MAF: variants seen among roughly 807,000 people sequenced by gnomAD.
MAF encodes transcription factor Maf.
Under a neutral mutation model 22.0 loss-of-function variants are expected in MAF, and 10 were observed. That is an observed-to-expected ratio of 0.45 (90% CI 0.28 to 0.77). MAF has a LOEUF of 0.77. MAF is among the 30% of genes least tolerant of loss of function. The pLI is 0.12. For synonymous variants in MAF, 337 were observed against 255.8 expected, an observed-to-expected ratio of 1.32 and a Z score of -3.03; for missense variants, 544 against 548.4, an observed-to-expected ratio of 0.99 and a Z score of 0.08.
chr16:79,208,359 C>T, the MAF span, among the ~76,000 whole-genome samples: 1 of 146,966 alleles, frequency 6.8e-6, no homozygotes, highest in Non-Finnish European at 1.5e-5. Context: ...AACCTACAGG[C>T]TTCTGATAAA....
At chr16:79,365,611 G>A in the MAF span, among the ~76,000 whole-genome samples, 4 of 152,104 alleles carry the variant, frequency 2.6e-5, no homozygotes, top group South Asian at 2.1e-4. Context: ...GGGGTGTAGG[G>A]GTCTGTGACC....
At chr16:79,517,782 C>T in the MAF span, among the ~76,000 whole-genome samples, 2 of 152,022 alleles carry the variant, frequency 1.3e-5, no homozygotes, top group Non-Finnish European at 2.9e-5. Context: ...ACCATGTTGG[C>T]CAGGCTGGTC....
the MAF span, among the ~76,000 whole-genome samples, chr16:79,319,195 G>A: frequency 2.0e-5 from 3 of 152,132 alleles, no homozygotes; most frequent in African/African-American, 7.2e-5. Context: ...GGTGGGGGGA[G>A]GTCCCCTTCT....
At chr16:79,589,711 T>G (rs1167907748), downstream of MAF, among the ~76,000 whole-genome samples, 1 of 152,148 alleles carries the variant, frequency 6.6e-6, no homozygotes, top group Non-Finnish European at 1.5e-5. Flanking sequence ...CGGGGAGTTT[T>G]GATATCCCCC....
the MAF span, among the ~76,000 whole-genome samples, chr16:79,347,120 G>C: frequency 1.3e-5 from 2 of 152,208 alleles, no homozygotes; most frequent in Non-Finnish European, 2.9e-5. Flanking sequence ...TCCTGTTCTT[G>C]TGAGAAACTG....
chr16:79,421,737 A>C, the MAF span, among the ~76,000 whole-genome samples: 1 of 151,856 alleles, frequency 6.6e-6, no homozygotes, highest in African/African-American at 2.4e-5. Context: ...CCTGGGCTCA[A>C]GCATCCTCCT....
chr16:79,255,035 A>C, the MAF span, among the ~76,000 whole-genome samples: 474 of 152,292 alleles, frequency 3.1e-3, 7 homozygotes, highest in Admixed American at 0.023. Flanking sequence ...ATCACTCTGG[A>C]TCCTTGCCTA....
chr16:79,340,400 A>G, the MAF span, among the ~76,000 whole-genome samples: 2 of 151,050 alleles, frequency 1.3e-5, no homozygotes, highest in African/African-American at 4.8e-5. Context: ...ATTCTCTGCT[A>G]TATTCCCAGT....
At chr16:79,288,697 A>T in the MAF span, among the ~76,000 whole-genome samples, 1 of 152,206 alleles carries the variant, frequency 6.6e-6, no homozygotes, top group African/African-American at 2.4e-5. Context: ...GAGGAAAGGA[A>T]GGACATTCCA....
At chr16:79,323,788 C>T in the MAF span, among the ~76,000 whole-genome samples, 66 of 152,206 alleles carry the variant, frequency 4.3e-4, no homozygotes, top group African/African-American at 1.4e-3. Context: ...AAGGAAATAA[C>T]GAGGGGACCT....
At chr16:79,464,772 C>T in the MAF span, among the ~76,000 whole-genome samples, 2,213 of 152,272 alleles carry the variant, frequency 0.015, 52 homozygotes, top group African/African-American at 0.05. Context: ...AAATTAGACA[C>T]GTCCCTGACC....
chr16:79,583,093 C>T (rs1228409164), downstream of MAF, among the ~76,000 whole-genome samples: 1 of 152,164 alleles, frequency 6.6e-6, no homozygotes. Context: ...TAGCTATACA[C>T]GTTGCGCTAA....
At chr16:79,320,877 T>C in the MAF span, among the ~76,000 whole-genome samples, 3 of 152,106 alleles carry the variant, frequency 2.0e-5, no homozygotes, top group African/African-American at 7.2e-5. Flanking sequence ...ATGCAGGAGG[T>C]ACTGTTTTTA....
chr16:79,263,847 A>C, the MAF span, among the ~76,000 whole-genome samples: 1 of 152,056 alleles, frequency 6.6e-6, no homozygotes, highest in Non-Finnish European at 1.5e-5. Context: ...GGCATGAAGC[A>C]ATCTCACTTT....
downstream of MAF, among the ~76,000 whole-genome samples, chr16:79,589,929 C>T (rs1913089562): frequency 6.6e-6 from 1 of 152,148 alleles, no homozygotes; most frequent in African/African-American, 2.4e-5. Context: ...GCACCGGCTC[C>T]CTGGGCACTG....
chr16:79,286,577 T>G, the MAF span, among the ~76,000 whole-genome samples: 7 of 152,184 alleles, frequency 4.6e-5, no homozygotes, highest in Non-Finnish European at 1.0e-4. Flanking sequence ...TGAACAATAA[T>G]ACTTCTTTCA....
chr16:79,543,943 C>G, the MAF span, among the ~76,000 whole-genome samples: 1 of 152,144 alleles, frequency 6.6e-6, no homozygotes, highest in Admixed American at 6.5e-5. Flanking sequence ...GCCTCGGCCT[C>G]CCAAAGTGCA....
At chr16:79,216,176 T>A in the MAF span, among the ~76,000 whole-genome samples, 1 of 145,680 alleles carries the variant, frequency 6.9e-6, no homozygotes, top group African/African-American at 2.8e-5. Flanking sequence ...CGTGCACGTG[T>A]ATATGTATAT....
chr16:79,254,824 G>A, the MAF span, among the ~76,000 whole-genome samples: 1 of 152,174 alleles, frequency 6.6e-6, no homozygotes, highest in Non-Finnish European at 1.5e-5. Flanking sequence ...TTTTGTTTCA[G>A]AACATAAATA....
Sources: gnomAD v4.1 joint callset for allele counts (sites outside exome capture counted in the v4.1 genomes callset) on GRCh38, gnomAD v4.1.1 for gene constraint, MANE v1.5 for transcripts, NCBI Gene and HGNC (gene_info 2026-07-23, HGNC 2026-07-21) for gene names.